The following PKD1L1 variants were observed in gnomAD, a reference collection of about 807,000 sequenced individuals.
The protein encoded by PKD1L1 is polycystin 1 like 1, transient receptor potential channel interacting, also known as polycystin-1-like protein 1.
Under a neutral mutation model 323.4 loss-of-function variants are expected in PKD1L1, and 236 were observed. The observed-to-expected ratio is 0.73, with a 90% CI of 0.66 to 0.81. PKD1L1 has a LOEUF of 0.81. Among genes scored for constraint, PKD1L1 ranks in the 40% least tolerant of loss-of-function variants. PKD1L1 has a pLI of 0.00. For missense variants in PKD1L1, 3,320 were observed against 3,508.0 expected, an observed-to-expected ratio of 0.95 and a Z score of 1.35; for synonymous variants, 1,344 against 1,335.0, an observed-to-expected ratio of 1.01 and a Z score of -0.15.
At chr7:47,858,063 T>C (rs1471065948) in intron 27 of PKD1L1, among the ~76,000 whole-genome samples, 1 of 152,148 alleles carries the variant, frequency 6.6e-6, no homozygotes, top group South Asian at 2.1e-4. Flanking sequence ...AGATAGACTA[T>C]TTACTTGCTA....
At chr7:47,957,564 A>G in the PKD1L1 span, among the ~76,000 whole-genome samples, 2 of 152,134 alleles carry the variant, frequency 1.3e-5, no homozygotes, top group East Asian at 1.9e-4. Flanking sequence ...GCTGAAGTGC[A>G]GTGTTGCAAT....
intron 7 of PKD1L1, among the ~76,000 whole-genome samples, chr7:47,916,193 C>G (rs1787425959): frequency 6.6e-6 from 1 of 152,218 alleles, no homozygotes; most frequent in South Asian, 2.1e-4. Context: ...TATCTACCTA[C>G]CTGTCATCGA....
chr7:47,851,354 A>C (rs1785779040), intron 31 of PKD1L1, among the ~76,000 whole-genome samples: 1 of 152,218 alleles, frequency 6.6e-6, no homozygotes, highest in Non-Finnish European at 1.5e-5. Context: ...CACTGGAATA[A>C]TTTGTGCATC....
intron 8 of PKD1L1, among the ~76,000 whole-genome samples, chr7:47,915,073 T>C (rs969943636): frequency 1.3e-5 from 2 of 150,996 alleles, no homozygotes; most frequent in East Asian, 1.9e-4. Flanking sequence ...AGAGGCCACA[T>C]GACATGTGAA....
At chr7:47,782,347 C>T (rs918360990) in intron 56 of PKD1L1, among the ~76,000 whole-genome samples, 1 of 152,146 alleles carries the variant, frequency 6.6e-6, no homozygotes, top group Non-Finnish European at 1.5e-5. Context: ...ACCACAGTAA[C>T]TTATGAAAGT....
intron 41 of PKD1L1, among the ~76,000 whole-genome samples, chr7:47,831,905 C>T (rs1785355617): frequency 6.6e-6 from 1 of 152,216 alleles, no homozygotes; most frequent in Admixed American, 6.5e-5. Context: ...AGGGACAGGG[C>T]TGTGACTGGT....
At chr7:47,833,002 A>G (rs1785378589) in intron 41 of PKD1L1, 88 bp downstream of exon 41, 5 of 1,479,328 alleles carry the variant, frequency 3.4e-6, no homozygotes, top group Middle Eastern at 2.4e-4. Flanking sequence ...ATTTGGCCCA[A>G]TTGTGACTCT....
intron 52 of PKD1L1, among the ~76,000 whole-genome samples, chr7:47,804,779 C>G (rs534721621): frequency 1.3e-5 from 2 of 152,160 alleles, no homozygotes; most frequent in East Asian, 3.9e-4. Flanking sequence ...GCCACCACGC[C>G]CAGCACATTT....
chr7:47,857,985 C>T (rs932272323), intron 27 of PKD1L1, among the ~76,000 whole-genome samples, 153 bp from the exon 28 acceptor site: 3 of 152,138 alleles, frequency 2.0e-5, no homozygotes, highest in African/African-American at 4.8e-5. Context: ...TAGGGCTCAG[C>T]GCTGGGTAAG....
intron 28 of PKD1L1, among the ~76,000 whole-genome samples, chr7:47,857,229 G>T (rs116520756): frequency 1.3e-5 from 2 of 152,316 alleles, no homozygotes; most frequent in African/African-American, 4.8e-5. Context: ...TTTGATGTTA[G>T]ACCCATATCT....
chr7:47,795,607 T>C (rs1459042929), intron 55 of PKD1L1, among the ~76,000 whole-genome samples: 5 of 152,192 alleles, frequency 3.3e-5, no homozygotes, highest in African/African-American at 2.4e-5. Flanking sequence ...ACTCAAGTAA[T>C]GCACCTAAGG....
intron 15 of PKD1L1, among the ~76,000 whole-genome samples, chr7:47,892,327 C>T (rs1786837894): frequency 6.6e-6 from 1 of 152,126 alleles, no homozygotes; most frequent in Non-Finnish European, 1.5e-5. Flanking sequence ...GAGAGAGATG[C>T]AAGCTGGGTA....
intron 50 of PKD1L1, 24 bp downstream of exon 50, chr7:47,811,793 G>C: frequency 6.4e-7 from 1 of 1,559,610 alleles, no homozygotes. Context: ...ACCTCCAGGA[G>C]GCCCAAGAGG....
At chr7:47,835,107 G>A (rs755291572) in intron 38 of PKD1L1, 26 bp downstream of exon 38, 1 of 1,602,432 alleles carries the variant, frequency 6.2e-7, no homozygotes. Context: ...CAGGAGAACA[G>A]GGCCATGAGG....
chr7:47,834,867 T>C (rs1785423405), intron 39 of PKD1L1, 100 bp downstream of exon 39: 2 of 980,428 alleles, frequency 2.0e-6, no homozygotes, highest in Admixed American at 2.4e-5. Context: ...ATAATAAACA[T>C]AATGCAAATT....
At position 47,946,544 on chromosome 7, in the gene PKD1L1, ACACACAT is replaced by A. The variant is rs754437390; in HGVS notation, c.44+1846_44+1852del. Among the ~76,000 whole-genome samples the A allele has an allele frequency of 9.3e-5, 14 of 151,078 alleles. No individual in the cohort carries two copies. The highest frequency in any genetic ancestry group is 1.9e-4 in the Non-Finnish European group (13 of 67,730). On this transcript the variant is annotated intron_variant, in intron 1 of 56. Transcript: ENST00000289672. This position sits in a 1 kb window ranked among gnomAD's most constrained non-coding sequence, Gnocchi z 4.1. Reference sequence around the variant, plus strand: ...CACCACACACACACCAACACATTACACACACATCACACAGCACACACCATGTATCACA... The same window carrying A: ...CACCACACACACACCAACACATTACACACACAGCACACACCATGTATCACA...
At chr7:47,895,514 G>A (rs1045046217) in intron 14 of PKD1L1, among the ~76,000 whole-genome samples, 2 of 151,860 alleles carry the variant, frequency 1.3e-5, no homozygotes, top group Non-Finnish European at 2.9e-5. Flanking sequence ...AGGGAGGGAG[G>A]GGTAAGAGGA....
intron 8 of PKD1L1, among the ~76,000 whole-genome samples, chr7:47,910,826 T>TTTTTTTTGTG (rs762737755): frequency 7.9e-6 from 1 of 126,080 alleles, no homozygotes; most frequent in African/African-American, 3.3e-5. Context: ...CCAGCTGATT[T>TTTTTTTTGTG]TGTGTGTGTG....
chr7:47,858,625 G>C (rs1444855409), intron 27 of PKD1L1, 48 bp downstream of exon 27: 4 of 1,470,648 alleles, frequency 2.7e-6, no homozygotes, highest in Non-Finnish European at 2.8e-6. Flanking sequence ...TTAACATCCT[G>C]GGATATGGAA....
Sources: gnomAD v4.1 joint callset for allele counts (sites outside exome capture counted in the v4.1 genomes callset) on GRCh38, gnomAD v4.1.1 for gene constraint, Gnocchi (gnomAD v3.1) non-coding constraint, MANE v1.5 for transcripts, NCBI Gene and HGNC (gene_info 2026-07-23, HGNC 2026-07-21) for gene names.